PRDM11: variants seen among roughly 807,000 people sequenced by gnomAD.
The protein encoded by PRDM11 is PR domain-containing protein 11.
Under a neutral mutation model 97.8 loss-of-function variants are expected in PRDM11, and 20 were observed. The observed-to-expected ratio is 0.20, with a 90% confidence interval of 0.14 to 0.30. The LOEUF is 0.30. Ranked by LOEUF, PRDM11 falls within the 10% of genes least tolerant of loss-of-function variation. The pLI is 1.00. For missense variants in PRDM11, 1,139 were observed against 1,555.2 expected (o/e 0.73, Z 4.50); for synonymous variants, 599 against 637.7 (o/e 0.94, Z 0.91).
rs1854474906 is a variant in PRDM11, at chr11:45,234,883, G to A, written c.*6724G>A. 1 of 152,008 alleles carries A rather than the reference G, an allele frequency of 6.6e-6. No homozygotes were observed. The highest frequency in any genetic ancestry group is 2.1e-4 in the South Asian group (1 of 4,818). 9.4% of individuals were successfully genotyped at this position (152,008 alleles called of 1,614,324 possible). On this transcript the variant is annotated 3_prime_UTR_variant, in exon 8 of 8. Transcript: ENST00000683152. ...AAGTGGGGATGGGGGGAAATACCTA[G>A]GAGTCTATTATCACATACATATTAA...
At position 45,185,121 on chromosome 11, in the gene PRDM11, G is replaced by C. The variant is rs763049589; in HGVS notation, c.486+1998G>C. On this transcript the variant is annotated intron_variant, in intron 4 of 7. Coordinates refer to ENST00000683152, the MANE Select transcript of PRDM11 (RefSeq NM_001384648.1). Reference sequence around the variant, plus strand: ...CAGAAAGACTGAAAAGTGTCCCGTGGATTTACTACCAGGGATGCCATGGGT... The same window carrying C: ...CAGAAAGACTGAAAAGTGTCCCGTGCATTTACTACCAGGGATGCCATGGGT... 2.0e-5 allele frequency among the ~76,000 whole-genome samples: 3 copies of C among 152,180 alleles called. No individual in the cohort carries two copies. In the East Asian group the frequency reaches 5.8e-4, roughly 29 times the overall value.
chr11:45,160,423 C>T (rs1404844393), intron 1 of PRDM11, among the ~76,000 whole-genome samples: 1 of 152,230 alleles, frequency 6.6e-6, no homozygotes, highest in Non-Finnish European at 1.5e-5. Context: ...CTGTCATGGT[C>T]ATGACTCTAG....
In PRDM11 at chr11:45,168,198, G is replaced by A. The variant is rs1261943865; in HGVS notation, c.-6-13563G>A. ...AGGGAGGGAGGAGAAGGGGATGGGG[G>A]AGAAGTAAAGGTTGATGGGGGCAGG... On this transcript the variant is annotated intron_variant, in intron 1 of 7. Coordinates refer to ENST00000683152, the MANE Select transcript of PRDM11 (RefSeq NM_001384648.1). Among the ~76,000 whole-genome samples the A allele has an allele frequency of 4.6e-5, 7 of 152,304 alleles. No individual in the cohort carries two copies. In the South Asian group the frequency reaches 1.4e-3, roughly 32 times the overall value.
chr11:45,100,886 A>G (rs542565601), intron 1 of PRDM11, among the ~76,000 whole-genome samples: 70 of 152,250 alleles, frequency 4.6e-4, no homozygotes, highest in Non-Finnish European at 7.9e-4. Flanking sequence ...CAGAGAAGAA[A>G]CTTACAAAGT....
chr11:45,223,791 AT>A (rs1425755559), intron 6 of PRDM11, among the ~76,000 whole-genome samples: 1 of 152,186 alleles, frequency 6.6e-6, no homozygotes, highest in African/African-American at 2.4e-5. Flanking sequence ...CGAAGCAGCC[AT>A]CTTGTCATTG....
chr11:45,137,155 T>G (rs992301470), intron 1 of PRDM11, among the ~76,000 whole-genome samples: 27 of 138,678 alleles, frequency 1.9e-4, no homozygotes, highest in African/African-American at 8.0e-4. Context: ...GGAGTGAGAC[T>G]CTGTCTCAAA....
At chr11:45,162,245 C>T (rs944185174) in intron 1 of PRDM11, among the ~76,000 whole-genome samples, 1 of 152,104 alleles carries the variant, frequency 6.6e-6, no homozygotes, top group African/African-American at 2.4e-5. Context: ...TGAGGTATCG[C>T]TCTCTACACC....
chr11:45,139,770 T>C (rs1852959639), intron 1 of PRDM11, among the ~76,000 whole-genome samples: 1 of 152,128 alleles, frequency 6.6e-6, no homozygotes, highest in Non-Finnish European at 1.5e-5. Flanking sequence ...TGTGCCTATG[T>C]GTTGGTCTTC....
In PRDM11 at chr11:45,232,209, G is replaced by A. The variant is rs932738146; in HGVS notation, c.*4050G>A. ...GCAGAAGGCTGGAAACAATAGCTGA[G>A]ACCCTACTGTGGGCCCACAGCCCTG... On this transcript the variant is annotated 3_prime_UTR_variant, in exon 8 of 8. Coordinates refer to ENST00000683152, the MANE Select transcript of PRDM11 (RefSeq NM_001384648.1). The A allele has an allele frequency of 7.9e-5, 12 of 152,354 alleles. No individual in the cohort carries two copies. Among genetic ancestry groups the A allele is most frequent in the Non-Finnish European group, 1.5e-4 (10 of 68,040 alleles). The allele number at this position is 152,354 out of a possible 1,614,324, so 9.4% of individuals were successfully genotyped here. A position where few individuals can be genotyped will look rare whatever the true frequency, so the allele number is the denominator to read the frequency against.
In PRDM11 at chr11:45,107,430, C is replaced by G. The variant is rs3740786; in HGVS notation, c.96+11529C>G. Among the ~76,000 whole-genome samples the G allele has an allele frequency of 3.2e-4, 48 of 152,300 alleles. 1 individual carries two copies. In the East Asian group the frequency reaches 9.3e-3, roughly 29 times the overall value. The stretch of plus-strand genomic sequence containing the variant: ...CACACAAAACGACCCTTGAGAACCT[C>G]TTATGCTCCCCACCAGCATGGATAC... On this transcript the variant is annotated intron_variant, in intron 1 of 6. Coordinates refer to the PRDM11 transcript ENST00000530656.
In PRDM11 at chr11:45,219,515, G is replaced by A. The variant is rs538707799; in HGVS notation, c.555-55G>A. On this transcript the variant is annotated intron_variant, in intron 5 of 7. Coordinates refer to ENST00000683152, the MANE Select transcript of PRDM11 (RefSeq NM_001384648.1). The surrounding 1 kb of genome is among the most constrained non-coding windows in gnomAD (Gnocchi z 4.2). ...TGCCCAGCACTGTGCCGGCACCAGC[G>A]GGCACTCAACAAAGGGTGGCCCGTG... The A allele has an allele frequency of 7.3e-6, 11 of 1,499,940 alleles. No individual in the cohort carries two copies. The South Asian group carries it at 7.4e-5, about 10-fold the overall frequency. 92.9% of individuals were successfully genotyped at this position (1,499,940 alleles called of 1,614,324 possible).
intron 4 of PRDM11, among the ~76,000 whole-genome samples, chr11:45,203,643 T>C (rs1194803080): frequency 6.9e-6 from 1 of 144,146 alleles, no homozygotes; most frequent in Non-Finnish European, 1.5e-5. Flanking sequence ...TTTTTTGAGA[T>C]GGAGTCTTGC....
chr11:45,179,924 C>A (rs1367050073), intron 1 of PRDM11, among the ~76,000 whole-genome samples: 3 of 152,340 alleles, frequency 2.0e-5, no homozygotes, highest in Middle Eastern at 3.4e-3. Flanking sequence ...TTCCTCAGGG[C>A]AGCAGGTGTT....
At position 45,155,269 on chromosome 11, in the gene PRDM11, C is replaced by T. The variant is rs147775250; in HGVS notation, c.-7+8392C>T. ...AGGGCCAGGAAAGGATCTGGCTGCC[C>T]GATGCCAGGGGATGGAGATGGCCGG... On this transcript the variant is annotated intron_variant, in intron 1 of 7. Coordinates refer to ENST00000683152, the MANE Select transcript of PRDM11 (RefSeq NM_001384648.1). Among the ~76,000 whole-genome samples the T allele has an allele frequency of 5.6e-3, 858 of 152,292 alleles. 5 individuals carry two copies. Among genetic ancestry groups the T allele is most frequent in the African/African-American group, 0.019 (803 of 41,552 alleles).
At chr11:45,120,925 T>G (rs1460253313) in intron 1 of PRDM11, among the ~76,000 whole-genome samples, 1 of 152,198 alleles carries the variant, frequency 6.6e-6, no homozygotes. Flanking sequence ...GTAAGGTTCT[T>G]GCATTGAAGG....
chr11:45,226,254 G>C lies in PRDM11; in HGVS notation c.1629G>C (p.Ser543=). ...RQYTVQSSRT[S]AFIIGSKQFK... is the part of the protein sequence containing the mutation. ...ACACGGTGCAGTCCTCACGCACCTC[G>C]GCCTTCATCATTGGCTCCAAGCAGT... is the stretch of plus-strand genomic sequence containing the variant. Residue 543 remains serine (S), a synonymous_variant, in exon 8 of 8, where the codon TCG becomes TCC. Coordinates refer to ENST00000683152, the MANE Select transcript of PRDM11 (RefSeq NM_001384648.1). 6.5e-7 allele frequency: 1 copy of C among 1,533,958 alleles called. No individual in the cohort carries two copies. The highest frequency in any genetic ancestry group is 8.7e-7 in the Non-Finnish European group (1 of 1,146,730).
chr11:45,197,066 G>A (rs537641327), intron 4 of PRDM11, among the ~76,000 whole-genome samples: 148 of 152,324 alleles, frequency 9.7e-4, no homozygotes, highest in African/African-American at 3.4e-3. Flanking sequence ...AGGAATGGTT[G>A]AGGGTGGGAG....
rs1312361620 is a variant in PRDM11, at chr11:45,226,778, T to C, written c.2153T>C (p.Ile718Thr). Residue 718 changes from isoleucine to threonine, a missense_variant, in exon 8 of 8, where the codon ATC (isoleucine) becomes ACC (threonine). Coordinates refer to ENST00000683152, the MANE Select transcript of PRDM11 (RefSeq NM_001384648.1). ...ALDRAFSALG[I>T]RLQDEKPTVG... ...GACCGGGCCTTCTCGGCCTTGGGCA[T>C]CCGGTTGCAGGATGAAAAGCCAACT... 1 of 1,533,794 alleles carries C rather than the reference T, an allele frequency of 6.5e-7. No homozygotes were observed. Among genetic ancestry groups the C allele is most frequent in the African/African-American group, 1.4e-5 (1 of 72,948 alleles).
At chr11:45,097,432 T>C (rs149519723) in intron 1 of PRDM11, among the ~76,000 whole-genome samples, 327 of 152,296 alleles carry the variant, frequency 2.1e-3, no homozygotes, top group Non-Finnish European at 3.9e-3. Context: ...TTTACCTACA[T>C]TGTCTAATTT....
Sources: allele counts gnomAD v4.1 joint callset (sites outside exome capture counted in the v4.1 genomes callset), GRCh38; gene constraint gnomAD v4.1.1; non-coding constraint Gnocchi (gnomAD v3.1); transcripts MANE v1.5; gene names NCBI Gene and HGNC (gene_info 2026-07-23, HGNC 2026-07-21).